The following GABRB3 variants were observed in gnomAD, a reference collection of about 807,000 sequenced individuals.
The protein encoded by GABRB3 is gamma-aminobutyric acid type A receptor subunit beta3.
GABRB3 carries 14 observed loss-of-function variants against 52.1 expected under a neutral mutation model. That is an observed-to-expected ratio of 0.27 (90% CI 0.18 to 0.42). The LOEUF is 0.42. GABRB3 is among the 10% of genes least tolerant of loss of function. The pLI is 1.00. For synonymous variants in GABRB3, 260 were observed against 232.3 expected, an observed-to-expected ratio of 1.12 and a Z score of -1.08; for missense variants, 307 against 609.1, an observed-to-expected ratio of 0.50 and a Z score of 5.22.
intron 3 of GABRB3, among the ~76,000 whole-genome samples, chr15:26,685,851 C>G (rs1888387881): frequency 6.8e-6 from 1 of 147,828 alleles, no homozygotes; most frequent in South Asian, 2.2e-4. Context: ...GTCACCCAGG[C>G]TGGAGTACAG....
intron 3 of GABRB3, among the ~76,000 whole-genome samples, chr15:26,716,042 C>T (rs1250468205): frequency 6.6e-6 from 1 of 152,186 alleles, no homozygotes; most frequent in Non-Finnish European, 1.5e-5. Flanking sequence ...TGCAGGAATT[C>T]CCCACACCTT....
chr15:26,567,475 G>A, intron 7 of GABRB3, 106 bp downstream of exon 7: 1 of 1,052,490 alleles, frequency 9.5e-7, no homozygotes, highest in Non-Finnish European at 1.4e-6. Flanking sequence ...CAATGCTTGT[G>A]TCACGCTGTC....
At chr15:26,574,151 T>C (rs1890510770) in intron 6 of GABRB3, among the ~76,000 whole-genome samples, 1 of 152,156 alleles carries the variant, frequency 6.6e-6, no homozygotes, top group African/African-American at 2.4e-5. Flanking sequence ...ACAGCCAAAA[T>C]AGCATATGAA....
rs140721114 is a variant in GABRB3, at chr15:26,547,419, C to T, written c.*374G>A. On this transcript the variant is annotated 3_prime_UTR_variant, in exon 9 of 9. Transcript: ENST00000311550. Reference sequence around the variant, plus strand: ...CATTTGGGGATGATATTGTGTTTCACGCCCTCATTCTCAAGGCATAATATT... The same window carrying T: ...CATTTGGGGATGATATTGTGTTTCATGCCCTCATTCTCAAGGCATAATATT... The T allele has an allele frequency of 4.7e-4, 209 of 440,116 alleles. No homozygotes were observed. Among genetic ancestry groups the T allele is most frequent in the Non-Finnish European group, 9.2e-5 (23 of 250,262 alleles). 27.3% of individuals were successfully genotyped at this position (440,116 alleles called of 1,614,324 possible). A position where few individuals can be genotyped will look rare whatever the true frequency, so the allele number is the denominator to read the frequency against.
chr15:26,621,286 A>C lies in GABRB3; in HGVS notation c.461+28T>G, dbSNP rs1413534393. 2 of 1,587,452 alleles carry C rather than the reference A, an allele frequency of 1.3e-6. No individual in the cohort carries two copies. The highest frequency in any genetic ancestry group is 2.2e-5 in the South Asian group (2 of 90,542). The stretch of plus-strand genomic sequence containing the variant: ...CAACACCCATGCACCATGCAACAGC[A>C]AAATTGGTCCTGAAGAGGCACACAG... On this transcript the variant is annotated intron_variant, in intron 4 of 8. Transcript: ENST00000311550. This position sits in a 1 kb window ranked among gnomAD's most constrained non-coding sequence, Gnocchi z 4.1.
rs143950418 is a variant in GABRB3, at chr15:26,665,180, C to G, written c.241-43646G>C. Among the ~76,000 whole-genome samples the G allele has an allele frequency of 5.3e-3, 811 of 152,284 alleles. 8 individuals carry two copies. The highest frequency in any genetic ancestry group is 0.018 in the African/African-American group (759 of 41,562). ...AGTCGCCCTACTGTGCCACCTATCA[C>G]TAGATCTTATTCATTGTATCCATCT... On this transcript the variant is annotated intron_variant, in intron 3 of 8. Coordinates refer to ENST00000311550, the MANE Select transcript of GABRB3 (RefSeq NM_000814.6).
rs2140643531 is a variant in GABRB3 at position 26,547,252 on chromosome 15, T to C, written c.*541A>G. 3.0e-6 allele frequency: 1 copy of C among 329,254 alleles called. No homozygotes were observed. The highest frequency in any genetic ancestry group is 5.5e-6 in the Non-Finnish European group (1 of 182,948). 20.4% of individuals were successfully genotyped at this position (329,254 alleles called of 1,614,324 possible). ...ATCACCAGAGAAGCCAAGAAGCCTTTGCTTACTAAACTGAACGAGAGGATA... is the reference window on the plus strand; with the variant it reads ...ATCACCAGAGAAGCCAAGAAGCCTTCGCTTACTAAACTGAACGAGAGGATA... On this transcript the variant is annotated 3_prime_UTR_variant, in exon 9 of 9. Coordinates refer to ENST00000311550, the MANE Select transcript of GABRB3 (RefSeq NM_000814.6).
At chr15:26,642,960 T>C (rs1893246175) in intron 3 of GABRB3, among the ~76,000 whole-genome samples, 1 of 152,082 alleles carries the variant, frequency 6.6e-6, no homozygotes, top group Admixed American at 6.6e-5. Flanking sequence ...GGGGCTTCCC[T>C]GCTACTCTCC....
chr15:26,559,712 T>G (rs1486674975), intron 8 of GABRB3, among the ~76,000 whole-genome samples: 1 of 152,204 alleles, frequency 6.6e-6, no homozygotes, highest in Non-Finnish European at 1.5e-5. Context: ...AGTGGCTTTG[T>G]GGTTGGAAGG....
rs556440168 is a variant in GABRB3 at position 26,663,791 on chromosome 15, C to T, written c.241-42257G>A. Among the ~76,000 whole-genome samples the T allele has an allele frequency of 2.6e-5, 4 of 152,250 alleles. No homozygotes were observed. The East Asian group carries it at 7.7e-4, about 29-fold the overall frequency. On this transcript the variant is annotated intron_variant, in intron 3 of 8. Transcript: ENST00000311550. Reference sequence around the variant, plus strand: ...TTTCTGTTTGTTCCGTTTTCTATACCTCTGTTTGCTTTTCCTCTTGCATTC... The same window carrying T: ...TTTCTGTTTGTTCCGTTTTCTATACTTCTGTTTGCTTTTCCTCTTGCATTC...
chr15:26,697,986 C>A (rs35104266), intron 3 of GABRB3, among the ~76,000 whole-genome samples: 6,486 of 152,294 alleles, frequency 0.043, 189 homozygotes, highest in Non-Finnish European at 0.063. Flanking sequence ...CAACTTACCC[C>A]ACCTCCCTCA....
At position 26,593,081 on chromosome 15, in the gene GABRB3, T is replaced by C. The variant is rs1273392606; in HGVS notation, c.462-9667A>G. Among the ~76,000 whole-genome samples, 3 of 152,282 alleles carry C rather than the reference T, an allele frequency of 2.0e-5. No individual in the cohort carries two copies. In the East Asian group the frequency reaches 5.8e-4, roughly 29 times the overall value. On this transcript the variant is annotated intron_variant, in intron 4 of 8. Coordinates refer to ENST00000311550, the MANE Select transcript of GABRB3 (RefSeq NM_000814.6). Reference sequence around the variant, plus strand: ...GGGTCTTTCATTCGAAATTCCCAGATAACATTCCCAGGTGATGCTGATGCT... The same window carrying C: ...GGGTCTTTCATTCGAAATTCCCAGACAACATTCCCAGGTGATGCTGATGCT...
rs140957519 is a variant in GABRB3 at position 26,747,192 on chromosome 15, A to T, written c.240+25210T>A. ...TAGCTTTTATGCAATCCCTGTCTTCAGACTTCAGTATAAATCCCCTTCTCC... is the reference window on the plus strand; with the variant it reads ...TAGCTTTTATGCAATCCCTGTCTTCTGACTTCAGTATAAATCCCCTTCTCC... On this transcript the variant is annotated intron_variant, in intron 3 of 8. Coordinates refer to ENST00000311550, the MANE Select transcript of GABRB3 (RefSeq NM_000814.6). Among the ~76,000 whole-genome samples the T allele has an allele frequency of 3.3e-3, 509 of 152,328 alleles. 5 individuals carry two copies. The highest frequency in any genetic ancestry group is 0.011 in the African/African-American group (452 of 41,568).
At chr15:26,699,743 C>G (rs1436636632) in intron 3 of GABRB3, among the ~76,000 whole-genome samples, 1 of 151,192 alleles carries the variant, frequency 6.6e-6, no homozygotes, top group Non-Finnish European at 1.5e-5. Context: ...AGAAACAACT[C>G]AAAATAAAAT....
At chr15:26,689,418 T>G (rs1039292620) in intron 3 of GABRB3, among the ~76,000 whole-genome samples, 1 of 152,112 alleles carries the variant, frequency 6.6e-6, no homozygotes, top group African/African-American at 2.4e-5. Context: ...AACAGACACT[T>G]CCAGGAAGGG....
chr15:26,652,718 T>G (rs994470257), intron 3 of GABRB3, among the ~76,000 whole-genome samples: 1 of 152,180 alleles, frequency 6.6e-6, no homozygotes, highest in Non-Finnish European at 1.5e-5. Flanking sequence ...ACGGGAAGAT[T>G]TGCAGTTTCC....
intron 3 of GABRB3, among the ~76,000 whole-genome samples, chr15:26,756,585 A>T (rs1004278704): frequency 2.0e-5 from 3 of 152,098 alleles, no homozygotes; most frequent in South Asian, 2.1e-4. Context: ...CTCAAAAAAA[A>T]ATTTTTAAAG....
rs1595440460 is a variant in GABRB3 at position 26,561,165 on chromosome 15, C to T, written c.847G>A (p.Val283Met). 6.2e-7 allele frequency: 1 copy of T among 1,613,934 alleles called. No homozygotes were observed. The highest frequency in any genetic ancestry group is 8.5e-7 in the Non-Finnish European group (1 of 1,180,042). ...AARVALGITTVLTMTTINTHL... is the reference protein window; with the variant it reads ...AARVALGITTMLTMTTINTHL... ...GTGTTGATGGTTGTCATTGTCAGCACAGTTGTGATCCCTAGAAAAGAAACA... is the reference window on the plus strand; with the variant it reads ...GTGTTGATGGTTGTCATTGTCAGCATAGTTGTGATCCCTAGAAAAGAAACA... Residue 283 changes from valine to methionine, a missense_variant, in exon 8 of 9, where the codon GTG (valine) becomes ATG (methionine). Val to Met is a conservative substitution (Grantham distance 21). Transcript: ENST00000311550.
chr15:26,726,839 T>G (rs1889786254), intron 3 of GABRB3, among the ~76,000 whole-genome samples: 1 of 150,102 alleles, frequency 6.7e-6, no homozygotes, highest in Non-Finnish European at 1.5e-5. Context: ...GGAGATACCT[T>G]GAGATTGTGC....
Sources: gnomAD v4.1 joint callset for allele counts (sites outside exome capture counted in the v4.1 genomes callset) on GRCh38, gnomAD v4.1.1 for gene constraint, Gnocchi (gnomAD v3.1) non-coding constraint, MANE v1.5 for transcripts, NCBI Gene and HGNC (gene_info 2026-07-23, HGNC 2026-07-21) for gene names.